Variants in CDH20 observed in about 807,000 individuals in gnomAD.
CDH20 encodes the protein cadherin-20.
CDH20 carries 29 observed loss-of-function variants against 74.2 expected under a neutral mutation model. That is an observed-to-expected ratio of 0.39 (90% CI 0.29 to 0.53). The LOEUF (loss-of-function observed/expected upper bound fraction) is 0.53, where lower values mean the gene tolerates loss of function less well. Ranked by LOEUF, CDH20 falls within the 20% of genes least tolerant of loss-of-function variation. The pLI is 0.69. For missense variants in CDH20, 988 were observed against 1,048.3 expected (o/e 0.94, Z 0.79); for synonymous variants, 469 against 405.4 (o/e 1.16, Z -1.88).
intron 6 of CDH20, among the ~76,000 whole-genome samples, chr18:61,512,683 A>G (rs1284701049): frequency 6.6e-6 from 1 of 152,160 alleles, no homozygotes; most frequent in Non-Finnish European, 1.5e-5. Flanking sequence ...AATGTGTCCC[A>G]GAGATTCTGG....
chr18:61,366,906 A>G (rs1910880636), intron 1 of CDH20, among the ~76,000 whole-genome samples: 1 of 152,208 alleles, frequency 6.6e-6, no homozygotes, highest in Non-Finnish European at 1.5e-5. Flanking sequence ...CTGTGGGATT[A>G]TAGATGAGGC....
rs77369616 is a variant in CDH20 at position 61,365,024 on chromosome 18, C to T, written c.-153+31197C>T. On this transcript the variant is annotated intron_variant, in intron 1 of 11. Transcript: ENST00000262717. ...ATCAGGGAAAGCCTGTGCTTTCCTA[C>T]TATTATGTCTCTACTTCCAAGGCAT... 6.6e-3 allele frequency among the ~76,000 whole-genome samples: 1,006 copies of T among 152,268 alleles called. 16 individuals carry two copies. The highest frequency in any genetic ancestry group is 0.023 in the African/African-American group (955 of 41,540).
At chr18:61,340,151 T>A (rs1319541166) in intron 1 of CDH20, among the ~76,000 whole-genome samples, 1 of 150,580 alleles carries the variant, frequency 6.6e-6, no homozygotes, top group African/African-American at 2.4e-5. Flanking sequence ...AAATAAGCAA[T>A]GTTAACCTTC....
Position 61,522,146 on chromosome 18 carries a change from A to C in CDH20, c.1018-5821A>C, listed in dbSNP as rs562458474. 1.0e-3 allele frequency among the ~76,000 whole-genome samples: 154 copies of C among 152,356 alleles called. 3 individuals carry two copies. The South Asian group carries it at 0.011, about 11-fold the overall frequency. ...GTCAAATTGTCTTTGTTTGCAGATG[A>C]CATGATTGTATATTTAGAAAACCCC... On this transcript the variant is annotated intron_variant, in intron 6 of 11. Coordinates refer to ENST00000262717, the MANE Select transcript of CDH20 (RefSeq NM_031891.4).
At chr18:61,505,129 A>C (rs747523245) in intron 5 of CDH20, among the ~76,000 whole-genome samples, 4 of 152,116 alleles carry the variant, frequency 2.6e-5, no homozygotes, top group Non-Finnish European at 5.9e-5. Context: ...GGCTTTTTAC[A>C]TTTGACACTA....
In CDH20 at chr18:61,536,462, C is replaced by A. The variant is rs747491452; in HGVS notation, c.1272-31C>A. On this transcript the variant is annotated intron_variant, in intron 7 of 11. Transcript: ENST00000262717. Reference sequence around the variant, plus strand: ...ATGCTGTCATATGCTTACCCAAATGCAAATGATGTACGTAATCCATGTTTC... The same window carrying A: ...ATGCTGTCATATGCTTACCCAAATGAAAATGATGTACGTAATCCATGTTTC... 7 of 1,606,466 alleles carry A rather than the reference C, an allele frequency of 4.4e-6. No individual in the cohort carries two copies. The South Asian group carries it at 4.4e-5, about 10-fold the overall frequency.
intron 1 of CDH20, among the ~76,000 whole-genome samples, chr18:61,434,109 C>A (rs1029257634): frequency 1.3e-5 from 2 of 152,008 alleles, no homozygotes; most frequent in Admixed American, 6.6e-5. Context: ...CATAAGCAGC[C>A]TGTGTGTTTC....
chr18:61,545,442 C>A (rs1032336509), intron 10 of CDH20, among the ~76,000 whole-genome samples: 17 of 152,048 alleles, frequency 1.1e-4, no homozygotes, highest in African/African-American at 3.9e-4. Flanking sequence ...TTCAGAACAA[C>A]AAACACAGAG....
chr18:61,546,541 CAA>C (rs1186995437), intron 10 of CDH20, among the ~76,000 whole-genome samples: 2 of 152,158 alleles, frequency 1.3e-5, no homozygotes, highest in Non-Finnish European at 2.9e-5. Context: ...ACTATTCCCG[CAA>C]AAAGTGCTTT....
chr18:61,544,728 T>C (rs1913171432), intron 9 of CDH20, among the ~76,000 whole-genome samples: 1 of 152,062 alleles, frequency 6.6e-6, no homozygotes, highest in Non-Finnish European at 1.5e-5. Context: ...CTCAAGTTCA[T>C]ATGGGTACAG....
Position 61,499,522 on chromosome 18 carries a change from A to G in CDH20, c.541+42A>G, listed in dbSNP as rs1783237202. On this transcript the variant is annotated intron_variant, in intron 3 of 11. Transcript: ENST00000262717. ...CTGATTTTCACAAATAGCACCTCCT[A>G]TATATATACACACACACACACATAT... is the stretch of plus-strand genomic sequence containing the variant. 3.0e-6 allele frequency: 4 copies of G among 1,353,324 alleles called. No homozygotes were observed. The Admixed American group carries it at 6.0e-5, about 20-fold the overall frequency. 83.8% of individuals were successfully genotyped at this position (1,353,324 alleles called of 1,614,324 possible). A position where few individuals can be genotyped will look rare whatever the true frequency, so the allele number is the denominator to read the frequency against.
chr18:61,396,879 G>T (rs568753817), intron 1 of CDH20, among the ~76,000 whole-genome samples: 6 of 152,194 alleles, frequency 3.9e-5, no homozygotes, highest in African/African-American at 1.4e-4. Context: ...ACATTGCTGA[G>T]GGCATTTGCA....
rs1912389954 is a variant in CDH20, at chr18:61,408,145, C to T, written c.-153+74318C>T. On this transcript the variant is annotated intron_variant, in intron 1 of 11. Transcript: ENST00000262717. ...GCATTTTAAAATATCATTTATGATA[C>T]TGAGTTAATAAATTATTAAGGGGGA... is the stretch of plus-strand genomic sequence containing the variant. Among the ~76,000 whole-genome samples, 3 of 151,472 alleles carry T rather than the reference C, an allele frequency of 2.0e-5. No homozygotes were observed. The South Asian group carries it at 6.2e-4, about 32-fold the overall frequency.
chr18:61,532,589 G>A (rs184367797), intron 7 of CDH20, among the ~76,000 whole-genome samples: 3 of 149,768 alleles, frequency 2.0e-5, no homozygotes, highest in African/African-American at 4.9e-5. Flanking sequence ...AAAAACAAAA[G>A]CTTTACATCA....
intron 1 of CDH20, among the ~76,000 whole-genome samples, chr18:61,349,914 G>A (rs969637678): frequency 1.3e-5 from 2 of 152,154 alleles, no homozygotes; most frequent in African/African-American, 4.8e-5. Context: ...CAAGGCAAAG[G>A]TGCCATTTCC....
At chr18:61,370,842 A>C (rs985483580) in intron 1 of CDH20, among the ~76,000 whole-genome samples, 7 of 152,140 alleles carry the variant, frequency 4.6e-5, no homozygotes, top group African/African-American at 1.7e-4. Flanking sequence ...CATCAAAACT[A>C]TCTTTTTTGA....
chr18:61,385,818 T>C (rs1262751901), intron 1 of CDH20, among the ~76,000 whole-genome samples: 1 of 151,522 alleles, frequency 6.6e-6, no homozygotes, highest in Admixed American at 6.6e-5. Flanking sequence ...TAGTCCCAGC[T>C]ACTCAGGAGG....
intron 1 of CDH20, among the ~76,000 whole-genome samples, chr18:61,347,899 T>C (rs1391640427): frequency 1.3e-5 from 2 of 152,144 alleles, no homozygotes; most frequent in Non-Finnish European, 2.9e-5. Flanking sequence ...TCACGATGTA[T>C]TTTTGGCCAA....
chr18:61,389,122 T>C (rs1221848646), intron 1 of CDH20, among the ~76,000 whole-genome samples: 2 of 152,154 alleles, frequency 1.3e-5, no homozygotes, highest in South Asian at 2.1e-4. Context: ...GGGCTCCCCC[T>C]CTCACATCTC....
Sources: gnomAD v4.1 joint callset for allele counts (sites outside exome capture counted in the v4.1 genomes callset) on GRCh38, gnomAD v4.1.1 for gene constraint, MANE v1.5 for transcripts, NCBI Gene and HGNC (gene_info 2026-07-23, HGNC 2026-07-21) for gene names.